Variants in CELF3 observed in about 807,000 individuals in gnomAD.
CELF3 encodes the protein CAG repeat domain.
A neutral mutation model predicts 59.6 loss-of-function variants in CELF3; 26 were observed. The observed-to-expected ratio is 0.44, with a 90% CI of 0.32 to 0.61. The LOEUF (loss-of-function observed/expected upper bound fraction) is 0.61. Ranked by LOEUF, CELF3 falls within the 20% of genes least tolerant of loss-of-function variation. The pLI is 0.06. For synonymous variants in CELF3, 245 were observed against 250.7 expected (o/e 0.98, Z 0.22); for missense variants, 387 against 627.2 (o/e 0.62, Z 4.09).
Position 151,703,420 on chromosome 1 carries a change from A to G in CELF3, c.*39T>C, listed in dbSNP as rs1672235846. On this transcript the variant is annotated 3_prime_UTR_variant, in exon 13 of 13. Coordinates refer to ENST00000290583, the MANE Select transcript of CELF3 (RefSeq NM_007185.7). The stretch of plus-strand genomic sequence containing the variant: ...GGGCCAGTCGTGGGAAGAGGGTGTG[A>G]GGCGCCCCTTCCTCTGGGATCTCCA... The G allele has an allele frequency of 8.2e-6, 3 of 367,436 alleles. No homozygotes were observed. The highest frequency in any genetic ancestry group is 2.0e-5 in the South Asian group (1 of 50,596). 22.8% of individuals were successfully genotyped at this position (367,436 alleles called of 1,614,324 possible). A position where few individuals can be genotyped will look rare whatever the true frequency, so the allele number is the denominator to read the frequency against.
intron 12 of CELF3, among the ~76,000 whole-genome samples, chr1:151,704,534 A>G (rs1177972973): frequency 2.0e-5 from 3 of 152,154 alleles, no homozygotes; most frequent in Admixed American, 6.5e-5. Flanking sequence ...CATGGGAAAA[A>G]TCACCTGAAG....
chr1:151,712,915 ACT>A (rs998270451), intron 2 of CELF3, among the ~76,000 whole-genome samples: 12 of 151,360 alleles, frequency 7.9e-5, no homozygotes, highest in African/African-American at 2.9e-4. Context: ...ATGCACACAC[ACT>A]CATGCATGCA....
At chr1:151,708,107 A>G (rs983665669) in intron 5 of CELF3, 172 bp from the exon 6 acceptor site, 3 of 657,336 alleles carry the variant, frequency 4.6e-6, no homozygotes, top group Non-Finnish European at 7.5e-6. Flanking sequence ...CTCTCTCCCT[A>G]TGCTAGGATG....
At chr1:151,715,828 A>T in intron 1 of CELF3, 48 bp downstream of exon 1, 1 of 1,594,510 alleles carries the variant, frequency 6.3e-7, no homozygotes, top group Non-Finnish European at 8.6e-7. Context: ...AACTTCCCCC[A>T]GCCTCCCAGC....
At chr1:151,706,055 A>T (rs957399495) in intron 10 of CELF3, 90 bp from the exon 11 acceptor site, 10 of 1,588,914 alleles carry the variant, frequency 6.3e-6, no homozygotes, top group Non-Finnish European at 7.7e-6. Flanking sequence ...AGATCCTGGG[A>T]GTGCCCTCCA....
rs941629098 is a variant in CELF3, at chr1:151,716,127, G to T, written c.-107C>A. 8.0e-7 allele frequency: 1 copy of T among 1,246,570 alleles called. No homozygotes were observed. The highest frequency in any genetic ancestry group is 2.5e-5 in the East Asian group (1 of 40,618). 77.2% of individuals were successfully genotyped at this position (1,246,570 alleles called of 1,614,324 possible). On this transcript the variant is annotated 5_prime_UTR_variant, in exon 1 of 13. Transcript: ENST00000290583. The stretch of plus-strand genomic sequence containing the variant: ...GGTGGGGCCCGGGGGCCCAGCTGGG[G>T]CTGGCTTTCCCTTTGGCCCCCAACC...
intron 12 of CELF3, among the ~76,000 whole-genome samples, chr1:151,704,090 A>G (rs1230240596): frequency 2.6e-5 from 4 of 151,198 alleles, no homozygotes; most frequent in African/African-American, 4.9e-5. Context: ...AGAACAAACA[A>G]TCGGCTCCAA....
In CELF3 at chr1:151,700,942, GGCA is replaced by G. The variant is rs1672043626; in HGVS notation, c.*2514_*2516del. 1 of 152,168 alleles carries G rather than the reference GGCA, an allele frequency of 6.6e-6. No individual in the cohort carries two copies. Among genetic ancestry groups the G allele is most frequent in the African/African-American group, 2.4e-5 (1 of 41,426 alleles). 9.4% of individuals were successfully genotyped at this position (152,168 alleles called of 1,614,324 possible). A position where few individuals can be genotyped will look rare whatever the true frequency, so the allele number is the denominator to read the frequency against. On this transcript the variant is annotated 3_prime_UTR_variant, in exon 13 of 13. Transcript: ENST00000290583. ...TTACTAAGCAATGTCTAATATTTGG[GGCA>G]CTGTTTAGGGTGACCAGGATACAGT... is the stretch of plus-strand genomic sequence containing the variant.
chr1:151,706,645 GGGGCCCTGGCTA>G lies in CELF3; in HGVS notation c.988+12_988+23del, dbSNP rs1672569599. On this transcript the variant is annotated intron_variant, in intron 9 of 12. Coordinates refer to ENST00000290583, the MANE Select transcript of CELF3 (RefSeq NM_007185.7). ...TCCTGCCACCTCTCCCACCTGAGCA[GGGGCCCTGGCTA>G]GGGCGCCTCACCTGTGTAGTGCTGC... is the stretch of plus-strand genomic sequence containing the variant. 1.3e-6 allele frequency: 2 copies of G among 1,550,768 alleles called. No individual in the cohort carries two copies. The highest frequency in any genetic ancestry group is 1.7e-6 in the Non-Finnish European group (2 of 1,146,496).
chr1:151,716,383 A>G lies in CELF3; in HGVS notation c.-363T>C. On this transcript the variant is annotated 5_prime_UTR_variant, in exon 1 of 13. Coordinates refer to ENST00000290583, the MANE Select transcript of CELF3 (RefSeq NM_007185.7). ...AGGGCTTAGAGGGCTGGGAACTGGG[A>G]GTTGAGATGAGAGCTGGAGGCGGGG... 1 of 273,570 alleles carries G rather than the reference A, an allele frequency of 3.7e-6. No homozygotes were observed. The highest frequency in any genetic ancestry group is 7.1e-6 in the Non-Finnish European group (1 of 140,798). 16.9% of individuals were successfully genotyped at this position (273,570 alleles called of 1,614,324 possible).
At chr1:151,713,971 C>T (rs949614257) in intron 2 of CELF3, among the ~76,000 whole-genome samples, 1 of 152,160 alleles carries the variant, frequency 6.6e-6, no homozygotes, top group Non-Finnish European at 1.5e-5. Flanking sequence ...CAGGCCTGAT[C>T]CTCTACAATG....
At position 151,705,254 on chromosome 1, in the gene CELF3, C is replaced by T. The variant is rs915422778; in HGVS notation, c.1271-86G>A. On this transcript the variant is annotated intron_variant, in intron 11 of 12. Coordinates refer to ENST00000290583, the MANE Select transcript of CELF3 (RefSeq NM_007185.7). This position sits in a 1 kb window ranked among gnomAD's most constrained non-coding sequence, Gnocchi z 5.1. ...ACCTCTGGCACTACCCTGTGTCTCCCAAGTGTCCCAAATGCCTAGAAAGCT... is the reference window on the plus strand; with the variant it reads ...ACCTCTGGCACTACCCTGTGTCTCCTAAGTGTCCCAAATGCCTAGAAAGCT... 2.1e-6 allele frequency: 3 copies of T among 1,434,658 alleles called. No homozygotes were observed. In the African/African-American group the frequency reaches 4.2e-5, roughly 20 times the overall value. The allele number at this position is 1,434,658 out of a possible 1,614,324, so 88.9% of individuals were successfully genotyped here.
In CELF3 at chr1:151,705,753, G is replaced by T; in HGVS notation, c.1270+69C>A. Reference sequence around the variant, plus strand: ...TACTGGGTCCACTGTGACCATAAATGCCTTCAAATATATTAGACCTTGTCC... The same window carrying T: ...TACTGGGTCCACTGTGACCATAAATTCCTTCAAATATATTAGACCTTGTCC... On this transcript the variant is annotated intron_variant, in intron 11 of 12. Transcript: ENST00000290583. The surrounding 1 kb of genome is among the most constrained non-coding windows in gnomAD (Gnocchi z 5.1). The T allele has an allele frequency of 1.3e-6, 2 of 1,520,052 alleles. No individual in the cohort carries two copies. The highest frequency in any genetic ancestry group is 1.2e-5 in the South Asian group (1 of 83,076). 94.2% of individuals were successfully genotyped at this position (1,520,052 alleles called of 1,614,324 possible). A position where few individuals can be genotyped will look rare whatever the true frequency, so the allele number is the denominator to read the frequency against.
At position 151,705,750 on chromosome 1, in the gene CELF3, A is replaced by C. The variant is rs1672458013; in HGVS notation, c.1270+72T>G. On this transcript the variant is annotated intron_variant, in intron 11 of 12. Coordinates refer to ENST00000290583, the MANE Select transcript of CELF3 (RefSeq NM_007185.7). The surrounding 1 kb of genome is among the most constrained non-coding windows in gnomAD (Gnocchi z 5.1). ...AAATACTGGGTCCACTGTGACCATA[A>C]ATGCCTTCAAATATATTAGACCTTG... 3.3e-6 allele frequency: 5 copies of C among 1,516,862 alleles called. No homozygotes were observed. The highest frequency in any genetic ancestry group is 4.5e-6 in the Non-Finnish European group (5 of 1,106,988). The allele number at this position is 1,516,862 out of a possible 1,614,324, so 94.0% of individuals were successfully genotyped here.
intron 1 of CELF3, among the ~76,000 whole-genome samples, chr1:151,715,368 C>A (rs896059579): frequency 6.6e-6 from 1 of 152,138 alleles, no homozygotes; most frequent in Non-Finnish European, 1.5e-5. Context: ...CAATCTCCAG[C>A]CTTCATGCCC....
intron 12 of CELF3, among the ~76,000 whole-genome samples, chr1:151,704,032 G>A (rs575496208): frequency 9.9e-5 from 15 of 152,170 alleles, no homozygotes; most frequent in Non-Finnish European, 1.9e-4. Context: ...GCTGCCCCCG[G>A]CCCTGACCTT....
rs888339612 is a variant in CELF3 at position 151,705,474 on chromosome 1, G to T, written c.1271-306C>A. 6.6e-6 allele frequency among the ~76,000 whole-genome samples: 1 copy of T among 152,190 alleles called. No homozygotes were observed. Among genetic ancestry groups the T allele is most frequent in the African/African-American group, 2.4e-5 (1 of 41,444 alleles). On this transcript the variant is annotated intron_variant, in intron 11 of 12. Transcript: ENST00000290583. The surrounding 1 kb of genome is among the most constrained non-coding windows in gnomAD (Gnocchi z 5.1). The stretch of plus-strand genomic sequence containing the variant: ...CCTAAATGGCTTCTGAAGCAGAGAA[G>T]AACATTCCCTTTCTCCCCTGAGGAA...
chr1:151,713,141 C>A (rs1331645667), intron 2 of CELF3, among the ~76,000 whole-genome samples: 1 of 152,182 alleles, frequency 6.6e-6, no homozygotes, highest in Non-Finnish European at 1.5e-5. Context: ...TGGATTCTGT[C>A]CCCTGGGACA....
In CELF3 at chr1:151,703,120, G is replaced by T. The variant is rs1269113183; in HGVS notation, c.*339C>A. On this transcript the variant is annotated 3_prime_UTR_variant, in exon 13 of 13. Transcript: ENST00000290583. ...CGGGTAGAACAGGCCCACTGTTGGG[G>T]GAGGCAAGTACAAACGCTGGGTACA... The T allele has an allele frequency of 2.2e-6, 1 of 458,718 alleles. No individual in the cohort carries two copies. The highest frequency in any genetic ancestry group is 2.3e-5 in the Admixed American group (1 of 42,796). The allele number at this position is 458,718 out of a possible 1,614,324, so 28.4% of individuals were successfully genotyped here. A position where few individuals can be genotyped will look rare whatever the true frequency, so the allele number is the denominator to read the frequency against.
Sources: allele counts gnomAD v4.1 joint callset (sites outside exome capture counted in the v4.1 genomes callset), GRCh38; gene constraint gnomAD v4.1.1; non-coding constraint Gnocchi (gnomAD v3.1); transcripts MANE v1.5; gene names NCBI Gene and HGNC (gene_info 2026-07-23, HGNC 2026-07-21).